Variants in HMBOX1 observed in about 807,000 individuals in gnomAD.
HMBOX1 encodes homeobox containing 1.
Under a neutral mutation model 54.5 loss-of-function variants are expected in HMBOX1, and 14 were observed. That is an observed-to-expected ratio of 0.26 (90% CI 0.17 to 0.40). HMBOX1 has a LOEUF of 0.40. HMBOX1 is among the 10% of genes least tolerant of loss of function. HMBOX1 has a pLI of 1.00. For missense variants in HMBOX1, 332 were observed against 514.4 expected, an observed-to-expected ratio of 0.65 and a Z score of 3.43; for synonymous variants, 160 against 181.0, an observed-to-expected ratio of 0.88 and a Z score of 0.93.
At chr8:29,014,395 T>C (rs1005521485) in intron 5 of HMBOX1, among the ~76,000 whole-genome samples, 3 of 152,080 alleles carry the variant, frequency 2.0e-5, no homozygotes, top group African/African-American at 7.2e-5. Context: ...TGCATTCTAG[T>C]GTCTTTGTGT....
At chr8:28,909,908 G>A (rs1190379325) in intron 1 of HMBOX1, among the ~76,000 whole-genome samples, 2 of 151,698 alleles carry the variant, frequency 1.3e-5, no homozygotes, top group Non-Finnish European at 2.9e-5. Flanking sequence ...CACCCAGGCT[G>A]TAGTACTGTG....
intron 6 of HMBOX1, among the ~76,000 whole-genome samples, chr8:29,021,775 G>A (rs1801207572): frequency 6.6e-6 from 1 of 150,856 alleles, no homozygotes; most frequent in Non-Finnish European, 1.5e-5. Flanking sequence ...CAGGAGAATG[G>A]CATGAACCCA....
At chr8:28,900,472 A>G (rs1672832560) in intron 1 of HMBOX1, among the ~76,000 whole-genome samples, 1 of 151,674 alleles carries the variant, frequency 6.6e-6, no homozygotes, top group Admixed American at 6.6e-5. Context: ...GAAGTCTCAA[A>G]TATCTGTTTA....
intron 1 of HMBOX1, among the ~76,000 whole-genome samples, chr8:28,934,113 A>G (rs1819967495): frequency 6.6e-6 from 1 of 152,240 alleles, no homozygotes. Flanking sequence ...GTATAAAAAT[A>G]AAAGGTTAAT....
intron 1 of HMBOX1, among the ~76,000 whole-genome samples, chr8:28,900,450 C>T (rs1813041514): frequency 1.3e-5 from 2 of 151,592 alleles, no homozygotes; most frequent in Admixed American, 1.3e-4. Flanking sequence ...CTATTATATG[C>T]TTTGTTCTGT....
At chr8:29,000,449 C>T (rs1338166026) in intron 4 of HMBOX1, among the ~76,000 whole-genome samples, 1 of 152,228 alleles carries the variant, frequency 6.6e-6, no homozygotes, top group East Asian at 1.9e-4. Flanking sequence ...TGAAGACTCT[C>T]GTGGACATCT....
chr8:28,982,149 C>T (rs911115748), intron 4 of HMBOX1, among the ~76,000 whole-genome samples: 25 of 152,136 alleles, frequency 1.6e-4, no homozygotes, highest in Non-Finnish European at 2.4e-4. Flanking sequence ...GGGAGAATGG[C>T]GTGAACCTGG....
chr8:28,910,254 G>GC (rs1815161400), intron 1 of HMBOX1, among the ~76,000 whole-genome samples: 1 of 152,134 alleles, frequency 6.6e-6, no homozygotes, highest in Non-Finnish European at 1.5e-5. Flanking sequence ...TCAATATTCT[G>GC]TTTTTTATTG....
At chr8:29,047,541 A>G (rs1165791086) in intron 8 of HMBOX1, 88 bp downstream of exon 8, 3 of 704,644 alleles carry the variant, frequency 4.3e-6, no homozygotes, top group Non-Finnish European at 7.6e-6. Flanking sequence ...TAGAAACTGC[A>G]AGTCTAAAGG....
intron 1 of HMBOX1, among the ~76,000 whole-genome samples, chr8:28,937,881 A>G (rs1265409818): frequency 1.6e-5 from 2 of 127,832 alleles, no homozygotes; most frequent in African/African-American, 5.3e-5. Flanking sequence ...ATATTATGAT[A>G]CTTAGTTTTT....
At position 28,949,006 on chromosome 8, in the gene HMBOX1, G is replaced by A. The variant is rs962253552; in HGVS notation, c.-57-14805G>A. On this transcript the variant is annotated intron_variant, in intron 1 of 9. Coordinates refer to ENST00000287701, the MANE Select transcript of HMBOX1 (RefSeq NM_001135726.3). ...AGGTTTCAAAGCCACATGAATGTTT[G>A]AGTAATAAATCAGGGCATCTGTATT... Among the ~76,000 whole-genome samples the A allele has an allele frequency of 6.6e-5, 10 of 152,268 alleles. No homozygotes were observed. The East Asian group carries it at 1.9e-3, about 29-fold the overall frequency.
chr8:29,010,594 A>C (rs922508346), intron 5 of HMBOX1, among the ~76,000 whole-genome samples: 6 of 151,606 alleles, frequency 4.0e-5, no homozygotes, highest in Non-Finnish European at 8.8e-5. Flanking sequence ...AACATTTTAC[A>C]TTTGCTTTAT....
intron 2 of HMBOX1, among the ~76,000 whole-genome samples, chr8:28,965,430 C>T (rs964189297): frequency 1.3e-5 from 2 of 152,168 alleles, no homozygotes; most frequent in African/African-American, 4.8e-5. Flanking sequence ...GTAACATAGA[C>T]AGACTTCACA....
intron 5 of HMBOX1, among the ~76,000 whole-genome samples, chr8:29,017,611 A>C (rs1835222215): frequency 6.6e-6 from 1 of 152,202 alleles, no homozygotes; most frequent in South Asian, 2.1e-4. Flanking sequence ...TTAATTTGAG[A>C]ATTTTGAGCT....
chr8:28,928,698 A>T (rs1818973034), intron 1 of HMBOX1, among the ~76,000 whole-genome samples: 1 of 152,240 alleles, frequency 6.6e-6, no homozygotes, highest in South Asian at 2.1e-4. Flanking sequence ...AAACAAGGAT[A>T]TTGTTGCATC....
rs1279235403 is a variant in HMBOX1, at chr8:28,950,298, G to T, written c.-57-13513G>T. 2.0e-5 allele frequency among the ~76,000 whole-genome samples: 3 copies of T among 152,280 alleles called. No homozygotes were observed. The East Asian group carries it at 5.8e-4, about 29-fold the overall frequency. The stretch of plus-strand genomic sequence containing the variant: ...TTCAGTAAGTCCAGAGTTGTCTGGG[G>T]ATTCTATGCTTATAAAAGACTTACA... On this transcript the variant is annotated intron_variant, in intron 1 of 9. Transcript: ENST00000287701.
At chr8:29,027,046 A>G (rs767218102) in intron 6 of HMBOX1, among the ~76,000 whole-genome samples, 1 of 152,220 alleles carries the variant, frequency 6.6e-6, no homozygotes, top group Non-Finnish European at 1.5e-5. Context: ...GGACCTGACT[A>G]GATTTTAATG....
At chr8:28,995,965 G>C (rs1458123672) in intron 4 of HMBOX1, among the ~76,000 whole-genome samples, 2 of 152,068 alleles carry the variant, frequency 1.3e-5, no homozygotes, top group Non-Finnish European at 2.9e-5. Context: ...CATTAGCCGG[G>C]CGTGGTGGCA....
chr8:28,921,947 C>G (rs945845545), intron 1 of HMBOX1, among the ~76,000 whole-genome samples: 11 of 152,016 alleles, frequency 7.2e-5, no homozygotes, highest in African/African-American at 2.7e-4. Flanking sequence ...CTAACCATCA[C>G]AAAAGTAATA....
Sources: allele counts gnomAD v4.1 joint callset (sites outside exome capture counted in the v4.1 genomes callset), GRCh38; gene constraint gnomAD v4.1.1; transcripts MANE v1.5; gene names NCBI Gene and HGNC (gene_info 2026-07-23, HGNC 2026-07-21).